The following KIF26B variants were observed in gnomAD, a reference collection of about 807,000 sequenced individuals.
KIF26B encodes the protein kinesin-like protein KIF26B.
KIF26B carries 63 observed loss-of-function variants against 151.2 expected under a neutral mutation model. The ratio of observed to expected loss-of-function variants is 0.42; its 90% CI spans 0.34 to 0.51. The LOEUF (loss-of-function observed/expected upper bound fraction) is 0.51, where lower values mean the gene tolerates loss of function less well. Among genes scored for constraint, KIF26B ranks in the 20% least tolerant of loss-of-function variants. The pLI is 0.07. For synonymous variants in KIF26B, 1,357 were observed against 1,262.1 expected (o/e 1.08, Z -1.59); for missense variants, 2,813 against 2,913.6 (o/e 0.97, Z 0.79).
intron 3 of KIF26B, among the ~76,000 whole-genome samples, chr1:245,396,721 A>G (rs747393587): frequency 2.0e-5 from 3 of 152,174 alleles, no homozygotes; most frequent in Non-Finnish European, 4.4e-5. Flanking sequence ...ATAGATGCCA[A>G]TTATCCATTA....
intron 5 of KIF26B, among the ~76,000 whole-genome samples, chr1:245,562,587 C>G (rs975035053): frequency 6.8e-6 from 1 of 147,660 alleles, no homozygotes; most frequent in South Asian, 2.2e-4. Flanking sequence ...GGCCAAGCCC[C>G]GCCCCCCCCT....
chr1:245,159,109 A>G (rs747723124), intron 2 of KIF26B, among the ~76,000 whole-genome samples: 10 of 152,134 alleles, frequency 6.6e-5, no homozygotes, highest in Non-Finnish European at 1.3e-4. Context: ...TGTCACTGTG[A>G]CTCCAACATG....
At position 245,244,299 on chromosome 1, in the gene KIF26B, T is replaced by A. The variant is rs921465069; in HGVS notation, c.465+87616T>A. ...CTAAATATCATTCTATATGTTCTTC[T>A]AAAAGCCCATTTGTTCCATTACTCT... On this transcript the variant is annotated intron_variant, in intron 2 of 14. Transcript: ENST00000407071. The surrounding 1 kb of genome is among the most constrained non-coding windows in gnomAD (Gnocchi z 4.2). Among the ~76,000 whole-genome samples the A allele has an allele frequency of 1.3e-5, 2 of 152,140 alleles. No individual in the cohort carries two copies. The highest frequency in any genetic ancestry group is 4.8e-5 in the African/African-American group (2 of 41,422).
chr1:245,517,756 T>C lies in KIF26B; in HGVS notation c.1167-23011T>C, dbSNP rs575768774. ...TCGGAGGGAAGGAGTCATATTAGAG[T>C]TGGGTCTAGAAGAATGAGCAGGAGG... is the stretch of plus-strand genomic sequence containing the variant. On this transcript the variant is annotated intron_variant, in intron 4 of 14. Transcript: ENST00000407071. Among the ~76,000 whole-genome samples the C allele has an allele frequency of 2.0e-5, 3 of 151,780 alleles. No individual in the cohort carries two copies. The South Asian group carries it at 6.3e-4, about 32-fold the overall frequency.
chr1:245,484,746 C>CTCT (rs150455383), intron 4 of KIF26B, among the ~76,000 whole-genome samples: 11,223 of 145,374 alleles, frequency 0.077, 482 homozygotes, highest in Middle Eastern at 0.16. Context: ...TCTCCTCTTC[C>CTCT]TCTTCTTCTT....
rs1558206142 is a variant in KIF26B, at chr1:245,540,698, A to C, written c.1167-69A>C. 1 of 1,425,648 alleles carries C rather than the reference A, an allele frequency of 7.0e-7. No homozygotes were observed. The highest frequency in any genetic ancestry group is 1.7e-5 in the Admixed American group (1 of 59,774). 88.3% of individuals were successfully genotyped at this position (1,425,648 alleles called of 1,614,324 possible). ...AAAGAACGAGGGGTTGTTTAAGAGA[A>C]AACGAAGTAAGCCTAGCAGATCTGA... On this transcript the variant is annotated intron_variant, in intron 4 of 14. Transcript: ENST00000407071. The surrounding 1 kb of genome is among the most constrained non-coding windows in gnomAD (Gnocchi z 4.6).
intron 2 of KIF26B, among the ~76,000 whole-genome samples, chr1:245,325,579 T>C (rs1671974128): frequency 6.6e-6 from 1 of 151,610 alleles, no homozygotes; most frequent in Non-Finnish European, 1.5e-5. Flanking sequence ...GGCGTGGTGG[T>C]GCATGCCTGT....
intron 2 of KIF26B, among the ~76,000 whole-genome samples, chr1:245,203,600 A>G (rs973830276): frequency 1.3e-5 from 2 of 152,224 alleles, no homozygotes; most frequent in Non-Finnish European, 2.9e-5. Context: ...CCACACCGCT[A>G]GCATTTGTCC....
intron 4 of KIF26B, among the ~76,000 whole-genome samples, chr1:245,484,714 T>TTC (rs1428440114): frequency 6.7e-6 from 1 of 149,910 alleles, no homozygotes; most frequent in East Asian, 2.0e-4. Context: ...CTCCTTCTTC[T>TTC]TTCTTCTTTC....
At chr1:245,215,764 G>GT (rs1360558516) in intron 2 of KIF26B, among the ~76,000 whole-genome samples, 2 of 151,998 alleles carry the variant, frequency 1.3e-5, no homozygotes, top group Non-Finnish European at 2.9e-5. Flanking sequence ...GTGCTTTTGT[G>GT]TTTTTTTAGA....
chr1:245,609,525 G>C lies in KIF26B; in HGVS notation c.1911G>C (p.Thr637=), dbSNP rs768851445. ...VYLCEDPICG[T]QLQNQSELRA... is the part of the protein sequence containing the mutation. ...TCTGTGAGGACCCCATCTGCGGCAC[G>C]CAGGTGATTGCTTCTGAAGCCTGGC... The change falls in exon 8 of 15, where the codon ACG becomes ACC. Residue 637 remains threonine (T), a synonymous_variant. Transcript: ENST00000407071. The C allele has an allele frequency of 6.5e-7, 1 of 1,535,366 alleles. No individual in the cohort carries two copies. The highest frequency in any genetic ancestry group is 1.3e-5 in the South Asian group (1 of 76,818).
At chr1:245,634,537 A>G (rs2043814902) in intron 9 of KIF26B, among the ~76,000 whole-genome samples, 1 of 152,186 alleles carries the variant, frequency 6.6e-6, no homozygotes, top group African/African-American at 2.4e-5. Flanking sequence ...TTTATCAGGA[A>G]TGACTGAATT....
intron 4 of KIF26B, among the ~76,000 whole-genome samples, chr1:245,455,157 G>A (rs556283500): frequency 1.3e-5 from 2 of 152,186 alleles, no homozygotes; most frequent in East Asian, 3.9e-4. Flanking sequence ...CCCCTTGCTC[G>A]ATTTTAATTG....
intron 9 of KIF26B, among the ~76,000 whole-genome samples, chr1:245,643,603 G>C (rs561883075): frequency 2.0e-4 from 31 of 152,152 alleles, no homozygotes; most frequent in African/African-American, 7.2e-4. Flanking sequence ...CTTTTAAAGA[G>C]ATTTAAAGTA....
intron 4 of KIF26B, among the ~76,000 whole-genome samples, chr1:245,465,025 C>CCGGA: frequency 7.2e-6 from 1 of 138,864 alleles, no homozygotes; most frequent in Non-Finnish European, 1.5e-5. Context: ...GTCGCCCAGG[C>CCGGA]TGGAGTGCAG....
At chr1:245,529,685 T>G (rs975662919) in intron 4 of KIF26B, among the ~76,000 whole-genome samples, 3 of 152,210 alleles carry the variant, frequency 2.0e-5, no homozygotes, top group Admixed American at 6.5e-5. Flanking sequence ...GGTTTTACAT[T>G]GAATAGCTTT....
intron 2 of KIF26B, among the ~76,000 whole-genome samples, chr1:245,217,483 G>T (rs1403369950): frequency 6.6e-6 from 1 of 151,404 alleles, no homozygotes; most frequent in East Asian, 1.9e-4. Context: ...TCCTGCCTCA[G>T]CCTCCCTAGT....
intron 12 of KIF26B, among the ~76,000 whole-genome samples, chr1:245,690,744 G>GC (rs1553306162): frequency 6.6e-6 from 1 of 151,720 alleles, no homozygotes; most frequent in African/African-American, 2.4e-5. Flanking sequence ...TTTGCCTGGG[G>GC]GGGGGGTATG....
intron 10 of KIF26B, among the ~76,000 whole-genome samples, chr1:245,656,479 C>A (rs890954724): frequency 1.3e-5 from 2 of 152,208 alleles, no homozygotes; most frequent in East Asian, 1.9e-4. Flanking sequence ...TGAGTGTGAT[C>A]TTTAATGACG....
Sources: gnomAD v4.1 joint callset for allele counts (sites outside exome capture counted in the v4.1 genomes callset) on GRCh38, gnomAD v4.1.1 for gene constraint, Gnocchi (gnomAD v3.1) non-coding constraint, MANE v1.5 for transcripts, NCBI Gene and HGNC (gene_info 2026-07-23, HGNC 2026-07-21) for gene names.